The following PHF21A variants were observed in gnomAD, a reference collection of about 807,000 sequenced individuals.
PHF21A encodes the protein BHC80a.
PHF21A carries 11 observed loss-of-function variants against 82.5 expected under a neutral mutation model. That is an observed-to-expected ratio of 0.13 (90% CI 0.08 to 0.22). The LOEUF is 0.22. Among genes scored for constraint, PHF21A ranks in the 10% least tolerant of loss-of-function variants. The pLI is 1.00. For synonymous variants in PHF21A, 297 were observed against 302.8 expected (o/e 0.98, Z 0.20); for missense variants, 579 against 837.8 (o/e 0.69, Z 3.81).
At chr11:46,114,791 T>C (rs2097267670) in intron 1 of PHF21A, among the ~76,000 whole-genome samples, 1 of 152,238 alleles carries the variant, frequency 6.6e-6, no homozygotes, top group Non-Finnish European at 1.5e-5. Flanking sequence ...TACTTGGATC[T>C]GCAGCAGAAA....
chr11:46,118,469 GT>G (rs2136195364), intron 1 of PHF21A, among the ~76,000 whole-genome samples: 1 of 149,118 alleles, frequency 6.7e-6, no homozygotes, highest in East Asian at 2.0e-4. Context: ...TTAGCCAGAT[GT>G]TTGTGTTTTG....
intron 7 of PHF21A, among the ~76,000 whole-genome samples, chr11:45,971,658 G>A (rs1442676216): frequency 6.6e-6 from 1 of 151,954 alleles, no homozygotes; most frequent in Non-Finnish European, 1.5e-5. Context: ...ACAACAAATG[G>A]GGTAGGTATA....
At chr11:46,094,008 GA>G (rs1250193779) in intron 1 of PHF21A, among the ~76,000 whole-genome samples, 11 of 152,202 alleles carry the variant, frequency 7.2e-5, no homozygotes, top group Non-Finnish European at 1.3e-4. Context: ...TTAAGAAAGT[GA>G]AAAGGTAAAC....
intron 6 of PHF21A, among the ~76,000 whole-genome samples, chr11:45,991,764 A>G (rs2094710908): frequency 6.6e-6 from 1 of 152,200 alleles, no homozygotes; most frequent in Non-Finnish European, 1.5e-5. Flanking sequence ...ATTATCTTCT[A>G]TTAAAATTTT....
intron 6 of PHF21A, among the ~76,000 whole-genome samples, chr11:46,000,448 G>A (rs2095080792): frequency 6.6e-6 from 1 of 152,068 alleles, no homozygotes; most frequent in Non-Finnish European, 1.5e-5. Context: ...CTAAAGACAA[G>A]TACACAATTA....
At chr11:45,964,234 A>AATAATAATAATAATT (rs1220245465) in intron 10 of PHF21A, among the ~76,000 whole-genome samples, 2 of 148,156 alleles carry the variant, frequency 1.3e-5, no homozygotes, top group South Asian at 4.2e-4. Flanking sequence ...TAATAATAAT[A>AATAATAATAATAATT]ATTTATTTCT....
At chr11:46,026,526 G>T (rs2095749755) in intron 6 of PHF21A, among the ~76,000 whole-genome samples, 1 of 152,028 alleles carries the variant, frequency 6.6e-6, no homozygotes, top group South Asian at 2.1e-4. Flanking sequence ...CTTGTGGAAA[G>T]CTTTAGCTAC....
At chr11:45,979,221 G>A (rs1338925950) in intron 7 of PHF21A, among the ~76,000 whole-genome samples, 10 of 152,002 alleles carry the variant, frequency 6.6e-5, no homozygotes, top group East Asian at 5.8e-4. Context: ...GTTTCACCAC[G>A]TTGGCCAGGC....
Position 46,121,040 on chromosome 11 carries a change from G to T in PHF21A, c.-342C>A. ...GGGAACTCTTCTTCATGGGGAGGGA[G>T]GGAAGAAGCTGGAGCTGCTGCTGCT... On this transcript the variant is annotated 5_prime_UTR_variant, in exon 1 of 19. Coordinates refer to ENST00000676320, the MANE Select transcript of PHF21A (RefSeq NM_001352027.3). 6.4e-6 allele frequency: 1 copy of T among 155,676 alleles called. No individual in the cohort carries two copies. The highest frequency in any genetic ancestry group is 1.4e-5 in the Non-Finnish European group (1 of 70,876). The allele number at this position is 155,676 out of a possible 1,614,324, so 9.6% of individuals were successfully genotyped here. A position where few individuals can be genotyped will look rare whatever the true frequency, so the allele number is the denominator to read the frequency against.
intron 6 of PHF21A, among the ~76,000 whole-genome samples, chr11:46,046,021 G>A (rs2096250872): frequency 6.6e-6 from 1 of 152,336 alleles, no homozygotes; most frequent in South Asian, 2.1e-4. Flanking sequence ...AAAAGAGTCT[G>A]TCTTATCTTC....
intron 6 of PHF21A, among the ~76,000 whole-genome samples, chr11:46,051,027 T>C (rs1592521926): frequency 6.6e-6 from 1 of 152,210 alleles, no homozygotes; most frequent in African/African-American, 2.4e-5. Context: ...GAAACACTTC[T>C]GTTATCTTAA....
intron 6 of PHF21A, among the ~76,000 whole-genome samples, chr11:46,075,617 T>C (rs1403409095): frequency 6.6e-6 from 1 of 152,166 alleles, no homozygotes; most frequent in African/African-American, 2.4e-5. Context: ...AATTCCCTAA[T>C]CTAAAATACC....
intron 1 of PHF21A, among the ~76,000 whole-genome samples, chr11:46,105,521 T>C (rs1351954197): frequency 1.3e-5 from 2 of 152,154 alleles, no homozygotes; most frequent in East Asian, 3.9e-4. Context: ...TTCAGAGACG[T>C]CCCTGTGCAA....
At chr11:45,978,502 A>G (rs2094143644) in intron 7 of PHF21A, among the ~76,000 whole-genome samples, 1 of 152,212 alleles carries the variant, frequency 6.6e-6, no homozygotes. Context: ...AATGTTGCAC[A>G]TGAACCAGTC....
chr11:46,113,063 T>C (rs1407732159), intron 1 of PHF21A, among the ~76,000 whole-genome samples: 3 of 152,182 alleles, frequency 2.0e-5, no homozygotes, highest in East Asian at 1.9e-4. Context: ...AGAAAGTTCT[T>C]AGAGGGCTGG....
intron 9 of PHF21A, among the ~76,000 whole-genome samples, chr11:45,967,362 T>A (rs539199895): frequency 8.2e-4 from 58 of 70,352 alleles, no homozygotes; most frequent in African/African-American, 2.3e-3. Flanking sequence ...AGTGAGACCC[T>A]GTCTTAAAAA....
At chr11:45,936,646 T>G in intron 16 of PHF21A, 77 bp from the exon 17 acceptor site, 2 of 931,018 alleles carry the variant, frequency 2.1e-6, no homozygotes, top group Non-Finnish European at 3.5e-6. Flanking sequence ...AGCAGTGGTA[T>G]CTGTGGCTAC....
At position 45,945,875 on chromosome 11, in the gene PHF21A, G is replaced by C. The variant is rs757559060; in HGVS notation, c.1417C>G (p.Gln473Glu). ...GTGGGGCTGGGCAGGGACACAGGCT[G>C]AACAGGTGCAGGGAAAGTGAATGTG... ...ETTFTFPAPV[Q>E]PVSLPSPTST... Residue 473 changes from glutamine to glutamate, a missense_variant, in exon 15 of 19, where the codon CAG becomes GAG. Gln to Glu is a conservative substitution (Grantham distance 29). This residue lies in a region of PHF21A where 410 missense variants were observed against 642.1 expected (regional missense o/e 0.64). Coordinates refer to ENST00000676320, the MANE Select transcript of PHF21A (RefSeq NM_001352027.3). 1 of 1,606,454 alleles carries C rather than the reference G, an allele frequency of 6.2e-7. No homozygotes were observed. Among genetic ancestry groups the C allele is most frequent in the South Asian group, 1.1e-5 (1 of 90,546 alleles).
At chr11:46,036,748 T>C (rs529054999) in intron 6 of PHF21A, among the ~76,000 whole-genome samples, 1 of 152,366 alleles carries the variant, frequency 6.6e-6, no homozygotes, top group Admixed American at 6.5e-5. Flanking sequence ...TTACCTTGTA[T>C]ATGGACATCT....
Sources: allele counts gnomAD v4.1 joint callset (sites outside exome capture counted in the v4.1 genomes callset), GRCh38; gene constraint gnomAD v4.1.1; regional missense constraint gnomAD v4.1.1; transcripts MANE v1.5; gene names NCBI Gene and HGNC (gene_info 2026-07-23, HGNC 2026-07-21).